RTBDN: variants seen among roughly 807,000 people sequenced by gnomAD.
RTBDN encodes retbindin.
RTBDN carries 24 observed loss-of-function variants against 21.9 expected under a neutral mutation model. The ratio of observed to expected loss-of-function variants is 1.10; its 90% CI spans 0.79 to 1.54. The LOEUF is 1.54. Among genes scored for constraint, RTBDN ranks in the 40% most tolerant of loss-of-function variants. The pLI is 0.00. For missense variants in RTBDN, 325 were observed against 315.2 expected (o/e 1.03, Z -0.23); for synonymous variants, 141 against 125.9 (o/e 1.12, Z -0.80).
rs1234039376 is a variant in RTBDN, at chr19:12,834,371, T to A, written c.-19+118A>T. The A allele has an allele frequency of 5.3e-6, 4 of 751,044 alleles. No individual in the cohort carries two copies. The highest frequency in any genetic ancestry group is 8.8e-6 in the Non-Finnish European group (4 of 453,542). 46.5% of individuals were successfully genotyped at this position (751,044 alleles called of 1,614,324 possible). ...AGCAAAGTTATTGCCCTAGGGCTCA[T>A]GCCCCTCGGGGCCATCGGCGCCGCT... On this transcript the variant is annotated intron_variant, in intron 1 of 5. Coordinates refer to ENST00000674343, the MANE Select transcript of RTBDN (RefSeq NM_001270441.2). The surrounding 1 kb of genome is among the most constrained non-coding windows in gnomAD (Gnocchi z 4.7).
upstream of RTBDN, chr19:12,834,706 A>G: frequency 1.9e-6 from 3 of 1,545,610 alleles, no homozygotes; most frequent in Non-Finnish European, 2.7e-6. The surrounding 1 kb of genome is among the most constrained non-coding windows in gnomAD (Gnocchi z 4.7). Context: ...CCGTGCGTCC[A>G]CTGCACGGAG....
In RTBDN at chr19:12,825,510, G is replaced by A; in HGVS notation, c.*196C>T. The A allele has an allele frequency of 1.2e-6, 1 of 836,932 alleles. No homozygotes were observed. The highest frequency in any genetic ancestry group is 1.8e-6 in the Non-Finnish European group (1 of 566,618). 51.8% of individuals were successfully genotyped at this position (836,932 alleles called of 1,614,324 possible). On this transcript the variant is annotated 3_prime_UTR_variant, in exon 6 of 6. Coordinates refer to ENST00000674343, the MANE Select transcript of RTBDN (RefSeq NM_001270441.2). ...TCTAGCTGGCGACTTTATTCAAAGG[G>A]GAGAGGGAAAAGTGAGAGAGTTGGG...
At chr19:12,832,081 A>AGTATGTGTTT (rs1969593634) in intron 1 of RTBDN, among the ~76,000 whole-genome samples, 1 of 151,934 alleles carries the variant, frequency 6.6e-6, no homozygotes, top group Non-Finnish European at 1.5e-5. Flanking sequence ...GCATTTGCTG[A>AGTATGTGTTT]GTATGTGTTT....
chr19:12,828,225 G>A (rs1303240688), intron 4 of RTBDN, among the ~76,000 whole-genome samples: 5 of 151,712 alleles, frequency 3.3e-5, no homozygotes, highest in African/African-American at 7.3e-5. Context: ...GTGAAACCTC[G>A]TCTCTACTAA....
At chr19:12,829,612 A>T (rs75104583) in intron 2 of RTBDN, among the ~76,000 whole-genome samples, 199 bp downstream of exon 2, 2 of 152,258 alleles carry the variant, frequency 1.3e-5, no homozygotes, top group East Asian at 3.8e-4. Flanking sequence ...CTTCCTCAGG[A>T]TCACACAGCT....
At chr19:12,831,467 A>G (rs1307264219) in intron 1 of RTBDN, among the ~76,000 whole-genome samples, 1 of 152,162 alleles carries the variant, frequency 6.6e-6, no homozygotes, top group Non-Finnish European at 1.5e-5. Context: ...CACATTGGGA[A>G]GCTGAAGTAG....
Position 12,825,570 on chromosome 19 carries a change from CTG to C in RTBDN, c.*134_*135del. ...GGATAACCTGGAGAGGGGTGGGTCT[CTG>C]GAGCTCCAGGGAGGAGGGACAGACA... On this transcript the variant is annotated 3_prime_UTR_variant, in exon 6 of 6. Transcript: ENST00000674343. 4.5e-6 allele frequency: 6 copies of C among 1,332,220 alleles called. No individual in the cohort carries two copies. Among genetic ancestry groups the C allele is most frequent in the Non-Finnish European group, 5.9e-6 (6 of 1,011,238 alleles). The allele number at this position is 1,332,220 out of a possible 1,614,324, so 82.5% of individuals were successfully genotyped here.
At position 12,830,652 on chromosome 19, in the gene RTBDN, C is replaced by G; in HGVS notation, c.-18-655G>C. On this transcript the variant is annotated intron_variant, in intron 1 of 5. Coordinates refer to ENST00000674343, the MANE Select transcript of RTBDN (RefSeq NM_001270441.2). This position sits in a 1 kb window ranked among gnomAD's most constrained non-coding sequence, Gnocchi z 4.2. ...GGGTCTAGAGGCCGCTAAGACACCT[C>G]AGGATCCAGTCCAGGAAACTGGCTG... The G allele has an allele frequency of 1.0e-6, 1 of 985,622 alleles. No homozygotes were observed. Among genetic ancestry groups the G allele is most frequent in the Non-Finnish European group, 1.2e-6 (1 of 830,066 alleles). The allele number at this position is 985,622 out of a possible 1,614,324, so 61.1% of individuals were successfully genotyped here.
chr19:12,828,958 C>A lies in RTBDN; in HGVS notation c.170-5G>T, dbSNP rs1969442843. On this transcript the variant is annotated splice_region_variant and splice_polypyrimidine_tract_variant and intron_variant, in intron 2 of 5. Coordinates refer to ENST00000674343, the MANE Select transcript of RTBDN (RefSeq NM_001270441.2). ...TCTCTGAGGGACAACAAGGTCCTGG[C>A]AAAGGGGAACCCTGTGAGCTAGGGT... 3 of 1,613,946 alleles carry A rather than the reference C, an allele frequency of 1.9e-6. No individual in the cohort carries two copies. Among genetic ancestry groups the A allele is most frequent in the Non-Finnish European group, 2.5e-6 (3 of 1,180,018 alleles).
chr19:12,829,025 TC>T, intron 2 of RTBDN, 72 bp from the exon 3 acceptor site: 3 of 1,595,162 alleles, frequency 1.9e-6, no homozygotes, highest in Non-Finnish European at 2.6e-6. Flanking sequence ...GGCCTGGGGA[TC>T]CCCTGGACAG....
chr19:12,829,786 G>C, intron 2 of RTBDN, 25 bp downstream of exon 2: 1 of 1,587,190 alleles, frequency 6.3e-7, no homozygotes, highest in Non-Finnish European at 8.6e-7. Flanking sequence ...GGTGTTGGTG[G>C]TGAGGCAGGG....
chr19:12,834,512 C>A lies in RTBDN; in HGVS notation c.-42G>T, dbSNP rs1208956953. 7 of 1,535,482 alleles carry A rather than the reference C, an allele frequency of 4.6e-6. No individual in the cohort carries two copies. The East Asian group carries it at 1.5e-4, about 32-fold the overall frequency. On this transcript the variant is annotated 5_prime_UTR_variant, in exon 1 of 6. It adds an upstream start codon to the 5' untranslated region. Transcript: ENST00000674343. This position sits in a 1 kb window ranked among gnomAD's most constrained non-coding sequence, Gnocchi z 4.7. ...ACCTGCCTGGCCATCAGGATTCTTC[C>A]TACTGCCCTAATTGGACAGGCACCT...
rs1969678024 is a variant in RTBDN at position 12,834,198 on chromosome 19, CG to C, written c.-19+290del. Among the ~76,000 whole-genome samples, 1 of 152,136 alleles carries C rather than the reference CG, an allele frequency of 6.6e-6. No individual in the cohort carries two copies. Among genetic ancestry groups the C allele is most frequent in the South Asian group, 2.1e-4 (1 of 4,836 alleles). On this transcript the variant is annotated intron_variant, in intron 1 of 5. Transcript: ENST00000674343. The surrounding 1 kb of genome is among the most constrained non-coding windows in gnomAD (Gnocchi z 4.7). Reference sequence around the variant, plus strand: ...GGGACCCCGCCCCTCAGGCGCCGCCCGGCGATCCAGGGAGCTGCCGGAGGGG... The same window carrying C: ...GGGACCCCGCCCCTCAGGCGCCGCCCGCGATCCAGGGAGCTGCCGGAGGGG...
chr19:12,833,862 G>C, intron 1 of RTBDN: 1 of 152,596 alleles, frequency 6.6e-6, no homozygotes, highest in Admixed American at 7.1e-5. Flanking sequence ...CGCCGCCGCC[G>C]CCGCCGCCGC....
chr19:12,828,163 C>T (rs551106036), intron 4 of RTBDN, among the ~76,000 whole-genome samples: 2 of 149,888 alleles, frequency 1.3e-5, no homozygotes, highest in Non-Finnish European at 1.5e-5. Context: ...TTTGGGAGGC[C>T]GAGGCGGGCG....
upstream of RTBDN, chr19:12,834,608 C>T (rs1467280156): frequency 6.6e-7 from 1 of 1,516,988 alleles, no homozygotes; most frequent in Non-Finnish European, 8.8e-7. This position sits in a 1 kb window ranked among gnomAD's most constrained non-coding sequence, Gnocchi z 4.7. Context: ...ATCCTCAAGT[C>T]CAGCCCAGCT....
At chr19:12,831,914 TG>T (rs1317439825) in intron 1 of RTBDN, among the ~76,000 whole-genome samples, 6 of 152,216 alleles carry the variant, frequency 3.9e-5, no homozygotes, top group African/African-American at 1.4e-4. Flanking sequence ...TTTGGAACTA[TG>T]TGACTGTGCT....
At position 12,828,861 on chromosome 19, in the gene RTBDN, G is replaced by A. The variant is rs761908637; in HGVS notation, c.254+8C>T. ...ACGCGAGAAAACGGTGGAGGGTGCT[G>A]TACTCACTCAGGGCTCGGCACTCCA... On this transcript the variant is annotated splice_region_variant and intron_variant, in intron 3 of 5. Coordinates refer to ENST00000674343, the MANE Select transcript of RTBDN (RefSeq NM_001270441.2). 38 of 1,614,240 alleles carry A rather than the reference G, an allele frequency of 2.4e-5. No homozygotes were observed. The East Asian group carries it at 8.2e-4, about 35-fold the overall frequency.
At chr19:12,832,403 G>C (rs1053887775) in intron 1 of RTBDN, among the ~76,000 whole-genome samples, 1 of 152,208 alleles carries the variant, frequency 6.6e-6, no homozygotes, top group Non-Finnish European at 1.5e-5. Context: ...AGCAAGACCT[G>C]CCGGACCTAG....
Sources: gnomAD v4.1 joint callset for allele counts (sites outside exome capture counted in the v4.1 genomes callset) on GRCh38, gnomAD v4.1.1 for gene constraint, Gnocchi (gnomAD v3.1) non-coding constraint, MANE v1.5 for transcripts, NCBI Gene and HGNC (gene_info 2026-07-23, HGNC 2026-07-21) for gene names.